PPP6C: variants seen among roughly 807,000 people sequenced by gnomAD.
PPP6C encodes serine/threonine-protein phosphatase 6 catalytic subunit.
A neutral mutation model predicts 39.8 loss-of-function variants in PPP6C; 11 were observed. The observed-to-expected ratio is 0.28, with a 90% CI of 0.17 to 0.46. The LOEUF (loss-of-function observed/expected upper bound fraction) is 0.46, where lower values mean the gene tolerates loss of function less well. Ranked by LOEUF, PPP6C falls within the 20% of genes least tolerant of loss-of-function variation. PPP6C has a pLI of 1.00. For synonymous variants in PPP6C, 129 were observed against 130.3 expected, an observed-to-expected ratio of 0.99 and a Z score of 0.07; for missense variants, 211 against 373.9, an observed-to-expected ratio of 0.56 and a Z score of 3.59.
intron 2 of PPP6C, among the ~76,000 whole-genome samples, chr9:125,163,832 G>A (rs997595762): frequency 2.6e-5 from 4 of 151,620 alleles, no homozygotes; most frequent in East Asian, 1.9e-4. Flanking sequence ...CCCATTTCCC[G>A]AGAACTTGGG....
chr9:125,165,355 C>T (rs1435038541), intron 2 of PPP6C, among the ~76,000 whole-genome samples: 1 of 151,996 alleles, frequency 6.6e-6, no homozygotes, highest in Non-Finnish European at 1.5e-5. Context: ...GCTGAGATCA[C>T]ACCATTGCAC....
At chr9:125,160,178 A>G (rs535653294) in intron 3 of PPP6C, among the ~76,000 whole-genome samples, 5 of 152,336 alleles carry the variant, frequency 3.3e-5, no homozygotes, top group African/African-American at 1.2e-4. Flanking sequence ...TAGATTAACG[A>G]GAGATAAAAA....
At position 125,155,032 on chromosome 9, in the gene PPP6C, T is replaced by A. The variant is rs7846942; in HGVS notation, c.380-1047A>T. Among the ~76,000 whole-genome samples the A allele has an allele frequency of 3.3e-5, 5 of 151,944 alleles. 1 individual carries two copies. Among genetic ancestry groups the A allele is most frequent in the South Asian group, 4.1e-4 (2 of 4,826 alleles). ...AAGCGATCCCACCACCTCAGCCTTCTGAACAGCTGGAACTACAGGCAAGTG... is the reference window on the plus strand; with the variant it reads ...AAGCGATCCCACCACCTCAGCCTTCAGAACAGCTGGAACTACAGGCAAGTG... On this transcript the variant is annotated intron_variant, in intron 4 of 6. Coordinates refer to ENST00000373547, the MANE Select transcript of PPP6C (RefSeq NM_002721.5).
At chr9:125,155,904 C>CAAAAAAAAAAAAAAAAAAA (rs1231626756) in intron 4 of PPP6C, among the ~76,000 whole-genome samples, 1 of 61,454 alleles carries the variant, frequency 1.6e-5, no homozygotes, top group African/African-American at 6.3e-5. Flanking sequence ...GACTCCGTCT[C>CAAAAAAAAAAAAAAAAAAA]AAAAAAAAAA....
rs781221037 is a variant in PPP6C at position 125,165,795 on chromosome 9, C to CTTTTTTTTTTTTT, written c.172-4902_172-4890dup. Among the ~76,000 whole-genome samples, 46 of 113,624 alleles carry CTTTTTTTTTTTTT rather than the reference C, an allele frequency of 4.0e-4. 2 individuals carry two copies. The highest frequency in any genetic ancestry group is 4.9e-4 in the East Asian group (2 of 4,070). The allele number at this position is 113,624 out of a possible 152,430, so 74.5% of individuals were successfully genotyped here. A position where few individuals can be genotyped will look rare whatever the true frequency, so the allele number is the denominator to read the frequency against. Reference sequence around the variant, plus strand: ...CTGAAACCATAACAGTAATCTTTTGCTTTTTTTTTTTTTTTTTTGGAGACA... The same window carrying CTTTTTTTTTTTTT: ...CTGAAACCATAACAGTAATCTTTTGCTTTTTTTTTTTTTTTTTTTTTTTTTTTTTTTGGAGACA... On this transcript the variant is annotated intron_variant, in intron 2 of 6. Transcript: ENST00000373547.
intron 1 of PPP6C, chr9:125,189,013 T>C: frequency 8.2e-7 from 1 of 1,215,300 alleles, no homozygotes; most frequent in Non-Finnish European, 1.2e-6. Flanking sequence ...TTTATCCACT[T>C]CAGTAAGCTC....
intron 1 of PPP6C, among the ~76,000 whole-genome samples, chr9:125,175,964 A>C (rs1387385486): frequency 1.3e-5 from 2 of 152,200 alleles, no homozygotes; most frequent in Non-Finnish European, 2.9e-5. Flanking sequence ...TCACATAGTA[A>C]TATCAAGGAA....
At chr9:125,173,007 C>T (rs10986611) in intron 1 of PPP6C, among the ~76,000 whole-genome samples, 2,477 of 152,176 alleles carry the variant, frequency 0.016, 112 homozygotes, top group Admixed American at 0.083. Context: ...CTGGGCACGG[C>T]GGCTCTCGCC....
chr9:125,152,646 C>A (rs570097730), intron 6 of PPP6C, among the ~76,000 whole-genome samples: 2 of 152,058 alleles, frequency 1.3e-5, no homozygotes, highest in Admixed American at 6.5e-5. Flanking sequence ...GCCTCACCAA[C>A]ATGGTGAAAC....
intron 3 of PPP6C, among the ~76,000 whole-genome samples, chr9:125,159,328 C>T (rs1397741971): frequency 1.3e-5 from 2 of 150,910 alleles, no homozygotes; most frequent in East Asian, 1.9e-4. Context: ...GGATTACAGG[C>T]GTGAGCCACT....
intron 6 of PPP6C, chr9:125,151,167 T>C: frequency 6.8e-7 from 1 of 1,475,922 alleles, no homozygotes; most frequent in Non-Finnish European, 9.5e-7. Context: ...CTGGTGGAGC[T>C]AAGAGAGTGA....
At position 125,158,257 on chromosome 9, in the gene PPP6C, C is replaced by T; in HGVS notation, c.363G>A (p.Gln121=). The T allele has an allele frequency of 6.2e-7, 1 of 1,606,626 alleles. No individual in the cohort carries two copies. The highest frequency in any genetic ancestry group is 8.5e-7 in the Non-Finnish European group (1 of 1,174,360). ...AATTCTTACCATAAAATCCATAGAC[C>T]TGTGTTATCTGTCTACTCTCATGAT... ...RGNHESRQIT[Q]VYGFYDECQT... The change falls in exon 4 of 7, where the codon CAG becomes CAA. Residue 121 remains glutamine, a synonymous_variant. Coordinates refer to ENST00000373547, the MANE Select transcript of PPP6C (RefSeq NM_002721.5).
At chr9:125,173,240 G>A (rs544311273) in intron 1 of PPP6C, among the ~76,000 whole-genome samples, 2 of 151,854 alleles carry the variant, frequency 1.3e-5, no homozygotes, top group African/African-American at 2.4e-5. Flanking sequence ...GTGAAACCCC[G>A]TCTCTATTAA....
intron 2 of PPP6C, among the ~76,000 whole-genome samples, chr9:125,167,379 CAAAAA>C (rs758123351): frequency 0.029 from 1,619 of 56,102 alleles, 109 homozygotes; most frequent in East Asian, 0.19. Context: ...AGACCCTGTC[CAAAAA>C]AAAAAAAAAA....
At chr9:125,177,989 C>A (rs1415622971) in intron 1 of PPP6C, among the ~76,000 whole-genome samples, 1 of 151,996 alleles carries the variant, frequency 6.6e-6, no homozygotes, top group Non-Finnish European at 1.5e-5. Flanking sequence ...TAGCTCATTT[C>A]TTCTTAGCAC....
chr9:125,172,990 G>A (rs539782502), intron 1 of PPP6C, among the ~76,000 whole-genome samples: 1 of 152,126 alleles, frequency 6.6e-6, no homozygotes, highest in South Asian at 2.1e-4. Flanking sequence ...TAAAACTGAG[G>A]AGCCAGCTGG....
At chr9:125,187,445 G>A (rs572429137) in intron 1 of PPP6C, among the ~76,000 whole-genome samples, 12 of 151,560 alleles carry the variant, frequency 7.9e-5, no homozygotes, top group African/African-American at 2.4e-4. Flanking sequence ...CACCATGCTC[G>A]GCTAATTTCT....
chr9:125,149,559 G>A lies in PPP6C; in HGVS notation c.*114C>T. The A allele has an allele frequency of 1.7e-6, 2 of 1,195,044 alleles. No individual in the cohort carries two copies. Among genetic ancestry groups the A allele is most frequent in the East Asian group, 2.5e-5 (1 of 40,120 alleles). 74.0% of individuals were successfully genotyped at this position (1,195,044 alleles called of 1,614,324 possible). ...TTAAAATTTAAAAAAAAAAAGGCAA[G>A]AGGCAGCATTTCAGCAGCAAAGTGC... is the stretch of plus-strand genomic sequence containing the variant. On this transcript the variant is annotated 3_prime_UTR_variant, in exon 7 of 7. Transcript: ENST00000373547.
chr9:125,155,444 A>G lies in PPP6C; in HGVS notation c.380-1459T>C, dbSNP rs890220271. 3.3e-5 allele frequency among the ~76,000 whole-genome samples: 5 copies of G among 152,300 alleles called. No homozygotes were observed. The South Asian group carries it at 8.3e-4, about 25-fold the overall frequency. On this transcript the variant is annotated intron_variant, in intron 4 of 6. Coordinates refer to ENST00000373547, the MANE Select transcript of PPP6C (RefSeq NM_002721.5). ...AAACTTGCCATAAGAGAGCCCTAAC[A>G]ATGAGCTCAGGTTGCAGGCAGGGAT...
Sources: allele counts gnomAD v4.1 joint callset (sites outside exome capture counted in the v4.1 genomes callset), GRCh38; gene constraint gnomAD v4.1.1; transcripts MANE v1.5; gene names NCBI Gene and HGNC (gene_info 2026-07-23, HGNC 2026-07-21).